XPO7: variants seen among roughly 807,000 people sequenced by gnomAD.
The protein encoded by XPO7 is exportin-7.
In XPO7, 21 loss-of-function variants were observed where a neutral mutation model predicts 144.3. The ratio of observed to expected loss-of-function variants is 0.15; its 90% confidence interval spans 0.10 to 0.21. The LOEUF (loss-of-function observed/expected upper bound fraction) is 0.21, where lower values mean the gene tolerates loss of function less well. Among genes scored for constraint, XPO7 ranks in the 10% least tolerant of loss-of-function variants. The probability of loss-of-function intolerance (pLI) is 1.00; values close to 1 mark genes in which losing one functional copy is unlikely to be tolerated. For missense variants in XPO7, 808 were observed against 1,325.8 expected (o/e 0.61, Z 6.06); for synonymous variants, 580 against 499.6 (o/e 1.16, Z -2.15).
intron 1 of XPO7, among the ~76,000 whole-genome samples, chr8:21,923,482 C>G (rs1288385508): frequency 3.3e-5 from 5 of 152,266 alleles, no homozygotes; most frequent in Admixed American, 6.5e-5. Context: ...CAACACCACA[C>G]TGGAAATGTC....
chr8:21,966,999 G>A lies in XPO7; in HGVS notation c.161G>A (p.Gly54Glu), dbSNP rs1563324948. Reference protein sequence around the residue: ...LSKCQLLLERGSSSYSQLLAA... With the variant: ...LSKCQLLLERESSSYSQLLAA... The stretch of plus-strand genomic sequence containing the variant: ...AAGTGCCAGCTACTCCTCGAAAGAG[G>A]AAGTGTGCGTAAGATCTGAAAATCC... Residue 54 changes from glycine (G) to glutamate (E), a missense_variant, in exon 2 of 28, where the codon GGA becomes GAA. Physicochemically the swap from Gly to Glu is moderately conservative, Grantham distance 98. Transcript: ENST00000252512. The A allele has an allele frequency of 1.9e-6, 3 of 1,612,912 alleles. No individual in the cohort carries two copies. The highest frequency in any genetic ancestry group is 2.5e-6 in the Non-Finnish European group (3 of 1,179,404).
chr8:21,979,101 T>C (rs1163709996), intron 8 of XPO7, among the ~76,000 whole-genome samples: 2 of 152,248 alleles, frequency 1.3e-5, no homozygotes, highest in East Asian at 3.8e-4. Flanking sequence ...AGAGTTTTGA[T>C]CTTGTTGCCC....
At chr8:21,927,713 T>C (rs779609746) in intron 1 of XPO7, among the ~76,000 whole-genome samples, 3 of 151,952 alleles carry the variant, frequency 2.0e-5, no homozygotes, top group Non-Finnish European at 4.4e-5. Flanking sequence ...GCCCAGCTAA[T>C]TTTGTATTTT....
rs758217512 is a variant in XPO7, at chr8:21,991,959, C to A, written c.2133C>A (p.Asn711Lys). ...VAQMFSTNSF[N>K]EQEAKRTLVG... ...AGATGTTTAGCACCAATAGTTTCAACGAGCAGGAGGCAAAGGTGAGTGAGT... is the reference window on the plus strand; with the variant it reads ...AGATGTTTAGCACCAATAGTTTCAAAGAGCAGGAGGCAAAGGTGAGTGAGT... The change falls in exon 19 of 28, where the codon AAC (asparagine) becomes AAA (lysine). Residue 711 changes from asparagine to lysine, a missense_variant. Transcript: ENST00000252512. 1.4e-5 allele frequency: 23 copies of A among 1,613,230 alleles called. No individual in the cohort carries two copies. Among genetic ancestry groups the A allele is most frequent in the Non-Finnish European group, 1.9e-5 (23 of 1,179,660 alleles).
intron 9 of XPO7, among the ~76,000 whole-genome samples, chr8:21,981,140 A>G (rs534811437): frequency 3.9e-4 from 59 of 152,344 alleles, no homozygotes; most frequent in African/African-American, 1.3e-3. Context: ...TGCTAACAGA[A>G]GAAGACATAT....
chr8:22,000,371 C>T (rs950825584), intron 24 of XPO7, among the ~76,000 whole-genome samples: 1 of 152,038 alleles, frequency 6.6e-6, no homozygotes, highest in African/African-American at 2.4e-5. Context: ...GGAAAGGTTT[C>T]ATGCAGCTAG....
chr8:21,921,968 C>T (rs1023761162), intron 1 of XPO7, among the ~76,000 whole-genome samples: 1 of 152,162 alleles, frequency 6.6e-6, no homozygotes, highest in Non-Finnish European at 1.5e-5. Flanking sequence ...AAAAGATACA[C>T]GCTTCCCTAG....
chr8:21,981,479 G>A (rs1330741734), intron 9 of XPO7, among the ~76,000 whole-genome samples: 1 of 152,138 alleles, frequency 6.6e-6, no homozygotes, highest in Non-Finnish European at 1.5e-5. Context: ...TGTCCATTGA[G>A]GCTAATAATG....
chr8:21,972,330 T>C (rs1812089868), intron 5 of XPO7, among the ~76,000 whole-genome samples: 1 of 152,094 alleles, frequency 6.6e-6, no homozygotes, highest in African/African-American at 2.4e-5. Context: ...ATACAAAAAA[T>C]TAGCCGGGCG....
In XPO7 at chr8:21,925,241, C is replaced by T. The variant is rs571547580; in HGVS notation, c.18+5453C>T. Among the ~76,000 whole-genome samples the T allele has an allele frequency of 3.3e-4, 50 of 152,232 alleles. 1 individual carries two copies. In the South Asian group the frequency reaches 0.01, roughly 32 times the overall value. Reference sequence around the variant, plus strand: ...GGAGAGAGTTGTAAAAAACCTAGATCCTAAGTATTTCTGATATTTGCTTCA... The same window carrying T: ...GGAGAGAGTTGTAAAAAACCTAGATTCTAAGTATTTCTGATATTTGCTTCA... On this transcript the variant is annotated intron_variant, in intron 1 of 27. Coordinates refer to ENST00000252512, the MANE Select transcript of XPO7 (RefSeq NM_015024.5).
At chr8:21,981,996 G>T in intron 10 of XPO7, 119 bp downstream of exon 10, 1 of 1,318,764 alleles carries the variant, frequency 7.6e-7, no homozygotes. Context: ...GTCCAGTATA[G>T]CCCTACAGAG....
chr8:21,942,480 A>G (rs1811025154), intron 1 of XPO7, among the ~76,000 whole-genome samples: 1 of 152,190 alleles, frequency 6.6e-6, no homozygotes, highest in African/African-American at 2.4e-5. Context: ...TTTCTTTAAT[A>G]TGTGTCTTAT....
chr8:21,937,461 T>G (rs967150668), intron 1 of XPO7, among the ~76,000 whole-genome samples: 1 of 152,240 alleles, frequency 6.6e-6, no homozygotes, highest in Non-Finnish European at 1.5e-5. Context: ...GAGCTGAGTT[T>G]AGTGTACTTT....
At chr8:21,946,121 A>C (rs1811181210) in intron 1 of XPO7, among the ~76,000 whole-genome samples, 1 of 152,162 alleles carries the variant, frequency 6.6e-6, no homozygotes, top group Non-Finnish European at 1.5e-5. Context: ...CCACACACAC[A>C]TGCATCTGCA....
chr8:21,993,935 C>CTCTCTG (rs1812852397), intron 19 of XPO7, among the ~76,000 whole-genome samples: 1 of 151,222 alleles, frequency 6.6e-6, no homozygotes, highest in Non-Finnish European at 1.5e-5. Context: ...CTCTCTCTCT[C>CTCTCTG]TCTCTGTCTC....
chr8:21,958,465 T>G (rs1432508032), intron 1 of XPO7, among the ~76,000 whole-genome samples: 1 of 152,162 alleles, frequency 6.6e-6, no homozygotes, highest in Non-Finnish European at 1.5e-5. Flanking sequence ...TGAATGAAAT[T>G]TATCTAACAC....
intron 1 of XPO7, among the ~76,000 whole-genome samples, chr8:21,949,855 G>A (rs891740374): frequency 2.6e-5 from 4 of 152,090 alleles, no homozygotes; most frequent in South Asian, 2.1e-4. Context: ...TTAGCCTCCC[G>A]AATAGCTGGA....
At chr8:21,935,842 C>T (rs1226656431) in intron 1 of XPO7, among the ~76,000 whole-genome samples, 2 of 152,026 alleles carry the variant, frequency 1.3e-5, no homozygotes, top group East Asian at 3.9e-4. Context: ...ATCTTTCTCT[C>T]TCTCTCAATC....
intron 1 of XPO7, among the ~76,000 whole-genome samples, chr8:21,946,650 T>G (rs1811204466): frequency 6.7e-6 from 1 of 149,990 alleles, no homozygotes; most frequent in Admixed American, 6.6e-5. Flanking sequence ...ATTTTTTTTT[T>G]TTTTTTTTTT....
Sources: allele counts gnomAD v4.1 joint callset (sites outside exome capture counted in the v4.1 genomes callset), GRCh38; gene constraint gnomAD v4.1.1; transcripts MANE v1.5; gene names NCBI Gene and HGNC (gene_info 2026-07-23, HGNC 2026-07-21).